FAH: variants seen among roughly 807,000 people sequenced by gnomAD.
FAH encodes the protein fumarylacetoacetase.
FAH carries 47 observed loss-of-function variants against 55.8 expected under a neutral mutation model. The ratio of observed to expected loss-of-function variants is 0.84; its 90% CI spans 0.67 to 1.07. The LOEUF is 1.07. Ranked by LOEUF, FAH falls within the 50% of genes least tolerant of loss-of-function variation. The probability of loss-of-function intolerance (pLI) is 0.00; values close to 1 mark genes in which losing one functional copy is unlikely to be tolerated. For missense variants in FAH, 495 were observed against 545.9 expected (o/e 0.91, Z 0.93); for synonymous variants, 199 against 207.7 (o/e 0.96, Z 0.36).
chr15:80,170,729 G>A (rs555438802), intron 7 of FAH, among the ~76,000 whole-genome samples: 1 of 152,354 alleles, frequency 6.6e-6, no homozygotes, highest in South Asian at 2.1e-4. Context: ...TTGGGGCAGA[G>A]AGCCCAGGTC....
chr15:80,172,904 TG>T lies in FAH; in HGVS notation c.707-108del, dbSNP rs869109558. The T allele has an allele frequency of 9.3e-6, 13 of 1,394,080 alleles. No homozygotes were observed. In the East Asian group the frequency reaches 2.7e-4, roughly 29 times the overall value. The allele number at this position is 1,394,080 out of a possible 1,614,324, so 86.4% of individuals were successfully genotyped here. A position where few individuals can be genotyped will look rare whatever the true frequency, so the allele number is the denominator to read the frequency against. The stretch of plus-strand genomic sequence containing the variant: ...GCAGCCTGACTGGGGCTGATCTTTG[TG>T]GAGATGGCAGTGCTAGGTGTCTCTG... On this transcript the variant is annotated intron_variant, in intron 8 of 13. Transcript: ENST00000561421.
At chr15:80,160,594 G>T in intron 4 of FAH, 135 bp downstream of exon 4, 2 of 812,908 alleles carry the variant, frequency 2.5e-6, no homozygotes, top group Non-Finnish European at 4.2e-6. Context: ...CTCTGGGGCT[G>T]TTACCCGCTC....
At position 80,181,107 on chromosome 15, in the gene FAH, G is replaced by A. The variant is rs1413476083; in HGVS notation, c.1128G>A (p.Gly376=). 1 of 1,614,002 alleles carries A rather than the reference G, an allele frequency of 6.2e-7. No homozygotes were observed. The highest frequency in any genetic ancestry group is 8.5e-7 in the Non-Finnish European group (1 of 1,179,912). The change falls in exon 13 of 14, where the codon GGG becomes GGA. Residue 376 remains glycine, a synonymous_variant. Coordinates refer to ENST00000561421, the MANE Select transcript of FAH (RefSeq NM_000137.4). ...AGGGAACGAAGCCCATAGACCTGGGGAATGGTCAGACCAGGAAGTTTCTGC... is the reference window on the plus strand; with the variant it reads ...AGGGAACGAAGCCCATAGACCTGGGAAATGGTCAGACCAGGAAGTTTCTGC... The part of the protein sequence containing the change: ...SWKGTKPIDL[G]NGQTRKFLLD...
chr15:80,159,719 C>T, intron 2 of FAH, 37 bp from the exon 3 acceptor site: 5 of 1,614,066 alleles, frequency 3.1e-6, no homozygotes, highest in Non-Finnish European at 4.2e-6. Flanking sequence ...CTGGGTTTTC[C>T]TGTACGTGAT....
intron 5 of FAH, 54 bp downstream of exon 5, chr15:80,162,390 A>G (rs759733580): frequency 6.7e-7 from 1 of 1,499,232 alleles, no homozygotes; most frequent in South Asian, 1.1e-5. Context: ...TTTCATTTCC[A>G]GCAGCATATT....
intron 5 of FAH, chr15:80,162,780 C>G (rs976232327): frequency 2.4e-5 from 6 of 251,292 alleles, no homozygotes; most frequent in African/African-American, 1.3e-4. Context: ...TAGTAGTTCT[C>G]TGATGTCACA....
chr15:80,166,039 A>G (rs2041188940), intron 5 of FAH: 1 of 152,242 alleles, frequency 6.6e-6, no homozygotes, highest in Admixed American at 6.5e-5. Context: ...TAAACAATGA[A>G]AAAAACAGAA....
At chr15:80,178,402 A>AT (rs1216126974) in intron 11 of FAH, among the ~76,000 whole-genome samples, 1 of 151,310 alleles carries the variant, frequency 6.6e-6, no homozygotes, top group Non-Finnish European at 1.5e-5. Flanking sequence ...ACCATGTATT[A>AT]TTTTTTTTCT....
chr15:80,169,659 G>C (rs558979044), intron 7 of FAH, among the ~76,000 whole-genome samples: 10 of 151,912 alleles, frequency 6.6e-5, no homozygotes, highest in South Asian at 2.1e-4. Context: ...TCAGCCTCCC[G>C]AATAGCTGGG....
In FAH at chr15:80,160,187, T is replaced by A. The variant is rs576372957; in HGVS notation, c.315-223T>A. 129 of 645,784 alleles carry A rather than the reference T, an allele frequency of 2.0e-4. 2 individuals are homozygous for A. The East Asian group carries it at 2.8e-3, about 14-fold the overall frequency. 40.0% of individuals were successfully genotyped at this position (645,784 alleles called of 1,614,324 possible). Reference sequence around the variant, plus strand: ...CTGGTTTCTAGAGTAGGAAAGAGTTTCCACTTGTCTAGTCCCATTTCCTAG... The same window carrying A: ...CTGGTTTCTAGAGTAGGAAAGAGTTACCACTTGTCTAGTCCCATTTCCTAG... On this transcript the variant is annotated intron_variant, in intron 3 of 13. Transcript: ENST00000561421.
intron 7 of FAH, 90 bp from the exon 8 acceptor site, chr15:80,172,059 T>A: frequency 2.1e-6 from 2 of 943,206 alleles, no homozygotes; most frequent in Admixed American, 3.4e-5. Flanking sequence ...ATGGCTGGAG[T>A]TTGGAAATAC....
At position 80,180,099 on chromosome 15, in the gene FAH, T is replaced by C. The variant is rs866083166; in HGVS notation, c.961-25T>C. ...CTAGGCTAAGCCTGCCGCTGCTCATTCCACCTCGCGTCCATTGCCTGCAGT... is the reference window on the plus strand; with the variant it reads ...CTAGGCTAAGCCTGCCGCTGCTCATCCCACCTCGCGTCCATTGCCTGCAGT... On this transcript the variant is annotated intron_variant, in intron 11 of 13. Transcript: ENST00000561421. 7 of 1,582,554 alleles carry C rather than the reference T, an allele frequency of 4.4e-6. No homozygotes were observed. In the Middle Eastern group the frequency reaches 1.2e-3, roughly 264 times the overall value.
intron 11 of FAH, 112 bp downstream of exon 11, chr15:80,177,695 C>T (rs755037932): frequency 3.9e-6 from 4 of 1,018,300 alleles, no homozygotes; most frequent in Non-Finnish European, 6.2e-6. Context: ...GATGGGTCAG[C>T]CTGTGGGCCT....
intron 2 of FAH, among the ~76,000 whole-genome samples, chr15:80,159,242 C>CGTTGTT (rs1567114689): frequency 6.8e-6 from 1 of 146,184 alleles, no homozygotes; most frequent in East Asian, 2.0e-4. Flanking sequence ...AAAAAAACAA[C>CGTTGTT]TTTTTTTTTT....
At chr15:80,174,688 C>T (rs919325831) in intron 9 of FAH, among the ~76,000 whole-genome samples, 1 of 152,196 alleles carries the variant, frequency 6.6e-6, no homozygotes, top group Non-Finnish European at 1.5e-5. Context: ...ACAGGCCAGG[C>T]TTTGTTCTCC....
intron 9 of FAH, among the ~76,000 whole-genome samples, chr15:80,174,781 C>T (rs1326514234): frequency 6.6e-6 from 1 of 152,192 alleles, no homozygotes; most frequent in East Asian, 1.9e-4. Context: ...CTCCTGTGAC[C>T]TTTGACCTGC....
upstream of FAH, chr15:80,152,991 C>T: frequency 1.4e-6 from 2 of 1,464,354 alleles, no homozygotes; most frequent in Non-Finnish European, 1.9e-6. Flanking sequence ...ACCACAGCGG[C>T]CGAGTTCAGT....
rs1042085003 is a variant in FAH at position 80,186,299 on chromosome 15, G to A, written c.*90G>A. The A allele has an allele frequency of 5.9e-6, 6 of 1,017,842 alleles. No homozygotes were observed. Among genetic ancestry groups the A allele is most frequent in the African/African-American group, 3.1e-5 (2 of 63,788 alleles). 63.1% of individuals were successfully genotyped at this position (1,017,842 alleles called of 1,614,324 possible). A position where few individuals can be genotyped will look rare whatever the true frequency, so the allele number is the denominator to read the frequency against. On this transcript the variant is annotated 3_prime_UTR_variant, in exon 14 of 14. Coordinates refer to ENST00000561421, the MANE Select transcript of FAH (RefSeq NM_000137.4). The stretch of plus-strand genomic sequence containing the variant: ...CTCCCTCGGGCTGTAGGCCTGGTCC[G>A]CCATTCAGTGACAAATAAAGCCATT...
chr15:80,172,275 G>C, intron 8 of FAH, 27 bp downstream of exon 8: 15 of 1,512,154 alleles, frequency 9.9e-6, no homozygotes, highest in Non-Finnish European at 1.3e-5. Flanking sequence ...TGCTCCTGTA[G>C]AGATGACGGG....
Sources: allele counts gnomAD v4.1 joint callset (sites outside exome capture counted in the v4.1 genomes callset), GRCh38; gene constraint gnomAD v4.1.1; transcripts MANE v1.5; gene names NCBI Gene and HGNC (gene_info 2026-07-23, HGNC 2026-07-21).